The following AFF3 variants were observed in gnomAD, a reference collection of about 807,000 sequenced individuals.
AFF3 encodes the protein ALF transcription elongation factor 3, also known as AF4/FMR2 family member 3.
A neutral mutation model predicts 129.7 loss-of-function variants in AFF3; 32 were observed. That is an observed-to-expected ratio of 0.25 (90% CI 0.19 to 0.33). AFF3 has a LOEUF of 0.33. Ranked by LOEUF, AFF3 falls within the 10% of genes least tolerant of loss-of-function variation. AFF3 has a pLI of 1.00. For missense variants in AFF3, 1,373 were observed against 1,592.0 expected (o/e 0.86, Z 2.34); for synonymous variants, 644 against 635.4 (o/e 1.01, Z -0.20).
intron 7 of AFF3, among the ~76,000 whole-genome samples, chr2:99,990,710 A>C (rs1402245336): frequency 1.3e-5 from 2 of 152,180 alleles, no homozygotes; most frequent in African/African-American, 2.4e-5. Context: ...CCAGCATGAA[A>C]GTGAAATATT....
intron 7 of AFF3, among the ~76,000 whole-genome samples, chr2:100,000,335 A>C (rs768346581): frequency 1.8e-4 from 27 of 152,190 alleles, no homozygotes; most frequent in Non-Finnish European, 3.4e-4. Flanking sequence ...AAAAGAGAGA[A>C]AAGGTGATCT....
At chr2:99,980,099 T>C (rs1000667286) in intron 7 of AFF3, among the ~76,000 whole-genome samples, 3 of 152,238 alleles carry the variant, frequency 2.0e-5, no homozygotes, top group African/African-American at 4.8e-5. Flanking sequence ...AGCACCACTA[T>C]TGTCATAGCA....
intron 2 of AFF3, among the ~76,000 whole-genome samples, chr2:100,120,875 C>A (rs190258103): frequency 6.6e-6 from 1 of 152,066 alleles, no homozygotes; most frequent in African/African-American, 2.4e-5. Context: ...TGGCCTCAAG[C>A]GATCCTCCTG....
chr2:100,084,378 T>C (rs2105371606), intron 4 of AFF3, among the ~76,000 whole-genome samples: 1 of 152,334 alleles, frequency 6.6e-6, no homozygotes, highest in South Asian at 2.1e-4. Flanking sequence ...TTTCCACTAT[T>C]CACAATAGAC....
chr2:99,768,489 G>GAA (rs1181704540), intron 8 of AFF3, among the ~76,000 whole-genome samples: 1 of 152,120 alleles, frequency 6.6e-6, no homozygotes, highest in Non-Finnish European at 1.5e-5. Context: ...TATTATTTTG[G>GAA]ATTGGTTCAT....
chr2:99,606,776 T>C (rs1445007970), intron 13 of AFF3, among the ~76,000 whole-genome samples: 1 of 151,886 alleles, frequency 6.6e-6, no homozygotes, highest in Non-Finnish European at 1.5e-5. Context: ...TAGCCAGACA[T>C]GGTGGCAGGC....
intron 8 of AFF3, among the ~76,000 whole-genome samples, chr2:99,801,499 C>T (rs755205613): frequency 6.6e-6 from 1 of 152,104 alleles, no homozygotes; most frequent in Admixed American, 6.5e-5. Flanking sequence ...CAGGGGTGGG[C>T]CCCTAAGCAA....
At chr2:99,930,944 A>C (rs1318095589) in intron 7 of AFF3, among the ~76,000 whole-genome samples, 2 of 152,224 alleles carry the variant, frequency 1.3e-5, no homozygotes, top group Non-Finnish European at 2.9e-5. Context: ...TCCGGGAGCA[A>C]CTCAGTAACT....
intron 3 of AFF3, chr2:100,104,836 C>CCG: frequency 6.0e-5 from 32 of 533,690 alleles, no homozygotes; most frequent in Non-Finnish European, 7.1e-5. Flanking sequence ...GTGCTCTGCG[C>CCG]CCGCCCGCCC....
At chr2:99,595,024 G>A (rs1679145127) in intron 14 of AFF3, among the ~76,000 whole-genome samples, 1 of 152,214 alleles carries the variant, frequency 6.6e-6, no homozygotes, top group South Asian at 2.1e-4. Context: ...CATTGGTTTT[G>A]AACTGTGGCC....
At chr2:100,044,924 C>G (rs780232638) in intron 4 of AFF3, among the ~76,000 whole-genome samples, 1 of 151,998 alleles carries the variant, frequency 6.6e-6, no homozygotes, top group Non-Finnish European at 1.5e-5. Context: ...CAGACCATCA[C>G]GTCAAGCAGA....
chr2:99,812,660 T>C (rs1189973830), intron 8 of AFF3, among the ~76,000 whole-genome samples: 2 of 152,260 alleles, frequency 1.3e-5, no homozygotes, highest in Admixed American at 6.5e-5. Flanking sequence ...GATGCATAAA[T>C]TGCAGTTCCT....
intron 7 of AFF3, among the ~76,000 whole-genome samples, chr2:99,855,188 T>C (rs572839017): frequency 2.0e-5 from 3 of 152,272 alleles, no homozygotes; most frequent in African/African-American, 7.2e-5. Flanking sequence ...AATGAAGATA[T>C]AAAGGGTAAA....
At chr2:100,105,831 G>T in intron 2 of AFF3, 1 of 1,342,730 alleles carries the variant, frequency 7.4e-7, no homozygotes, top group Non-Finnish European at 9.9e-7. Flanking sequence ...AATTCCTAGA[G>T]AGCAGCTCAG....
intron 7 of AFF3, among the ~76,000 whole-genome samples, chr2:99,977,048 T>TA (rs1363406426): frequency 1.3e-5 from 2 of 152,172 alleles, no homozygotes; most frequent in Non-Finnish European, 2.9e-5. Context: ...TTTCCTGACT[T>TA]ACAGAGTTTA....
rs576220903 is a variant in AFF3, at chr2:99,746,740, C to T, written c.1003-2600G>A. 4.6e-5 allele frequency among the ~76,000 whole-genome samples: 7 copies of T among 152,234 alleles called. No homozygotes were observed. The South Asian group carries it at 1.5e-3, about 32-fold the overall frequency. On this transcript the variant is annotated intron_variant, in intron 9 of 24. Transcript: ENST00000672756. Reference sequence around the variant, plus strand: ...ATTAAATCCCCCATGTAGATTGGTACGTTTTCCTTCTCTTCAAGGGAATTC... The same window carrying T: ...ATTAAATCCCCCATGTAGATTGGTATGTTTTCCTTCTCTTCAAGGGAATTC...
intron 7 of AFF3, among the ~76,000 whole-genome samples, chr2:99,904,864 T>G (rs1694598885): frequency 6.6e-6 from 1 of 152,056 alleles, no homozygotes; most frequent in Non-Finnish European, 1.5e-5. Context: ...AGGTCTAGAG[T>G]TCGAGCCGTT....
intron 4 of AFF3, among the ~76,000 whole-genome samples, chr2:100,039,056 A>C (rs1267606942): frequency 6.6e-6 from 1 of 151,932 alleles, no homozygotes; most frequent in Non-Finnish European, 1.5e-5. Context: ...CTACTTTTGA[A>C]TTTTTCTGAA....
chr2:100,000,512 G>GCACACACA (rs67954752), intron 7 of AFF3, among the ~76,000 whole-genome samples: 1 of 148,774 alleles, frequency 6.7e-6, no homozygotes, highest in African/African-American at 2.5e-5. Context: ...TAGCACGCGC[G>GCACACACA]CACACACACA....
Sources: gnomAD v4.1 joint callset for allele counts (sites outside exome capture counted in the v4.1 genomes callset) on GRCh38, gnomAD v4.1.1 for gene constraint, MANE v1.5 for transcripts, NCBI Gene and HGNC (gene_info 2026-07-23, HGNC 2026-07-21) for gene names.